Variants in EPM2A observed in about 807,000 individuals in gnomAD.
The protein encoded by EPM2A is laforin.
In EPM2A, 21 loss-of-function variants were observed where a neutral mutation model predicts 26.5. The observed-to-expected ratio is 0.79, with a 90% CI of 0.56 to 1.14. The LOEUF (loss-of-function observed/expected upper bound fraction) is 1.14, where lower values mean the gene tolerates loss of function less well. EPM2A is among the 50% of genes most tolerant of loss of function. The pLI is 0.00. For synonymous variants in EPM2A, 217 were observed against 177.6 expected (o/e 1.22, Z -1.76); for missense variants, 458 against 440.8 (o/e 1.04, Z -0.35).
At chr6:145,704,618 C>T (rs1441378771) in intron 1 of EPM2A, among the ~76,000 whole-genome samples, 1 of 152,164 alleles carries the variant, frequency 6.6e-6, no homozygotes, top group African/African-American at 2.4e-5. Flanking sequence ...GGACTGAAGC[C>T]CAAGGCTGCT....
intron 2 of EPM2A, among the ~76,000 whole-genome samples, chr6:145,582,054 T>C (rs1781121676): frequency 6.6e-6 from 1 of 152,188 alleles, no homozygotes; most frequent in African/African-American, 2.4e-5. Flanking sequence ...GAGATCTTTC[T>C]AACTTTCTTA....
At chr6:145,693,292 T>C (rs753070531) in intron 1 of EPM2A, among the ~76,000 whole-genome samples, 4 of 152,038 alleles carry the variant, frequency 2.6e-5, no homozygotes, top group Non-Finnish European at 5.9e-5. Context: ...AAGTTGTTTA[T>C]CAGAACAAGG....
chr6:145,440,638 G>T (rs575112638), intron 4 of EPM2A, among the ~76,000 whole-genome samples: 2 of 152,180 alleles, frequency 1.3e-5, no homozygotes, highest in Middle Eastern at 3.2e-3. Context: ...TACAGGCATT[G>T]GTTAAATACA....
At chr6:145,621,723 T>G (rs1284428826), downstream of EPM2A, among the ~76,000 whole-genome samples, 3 of 152,158 alleles carry the variant, frequency 2.0e-5, no homozygotes, top group Non-Finnish European at 4.4e-5. Flanking sequence ...ATATACCTCT[T>G]AGCCATTTGT....
intron 2 of EPM2A, among the ~76,000 whole-genome samples, chr6:145,593,077 A>T (rs1285096978): frequency 6.6e-6 from 1 of 152,118 alleles, no homozygotes; most frequent in Non-Finnish European, 1.5e-5. Context: ...TAAATATAAA[A>T]AGTCAGTTAG....
chr6:145,700,564 A>C (rs1016200885), intron 1 of EPM2A, among the ~76,000 whole-genome samples: 10 of 152,180 alleles, frequency 6.6e-5, no homozygotes, highest in African/African-American at 2.2e-4. Flanking sequence ...ACAAAAAAAA[A>C]CCTATCTTTG....
In EPM2A at chr6:145,387,956, G is replaced by C. The variant is rs78002143; in HGVS notation, c.556-3859C>G. Among the ~76,000 whole-genome samples the C allele has an allele frequency of 7.8e-3, 1,184 of 152,146 alleles. 44 individuals are homozygous for C. Among genetic ancestry groups the C allele is most frequent in the Admixed American group, 0.061 (931 of 15,262 alleles). ...AATAAACAGAAGGGAAGCTATCAGG[G>C]GTGACAGAAATGTTGTTTGTATTCA... On this transcript the variant is annotated intron_variant, in intron 4 of 4. Coordinates refer to the EPM2A transcript ENST00000638717.
intron 4 of EPM2A, among the ~76,000 whole-genome samples, chr6:145,401,869 A>T (rs2114667347): frequency 6.6e-6 from 1 of 152,230 alleles, no homozygotes; most frequent in Non-Finnish European, 1.5e-5. Flanking sequence ...TAAGCCATTG[A>T]GTAAAATAAT....
chr6:145,517,751 T>C (rs1441244910), intron 2 of EPM2A, among the ~76,000 whole-genome samples: 2 of 152,172 alleles, frequency 1.3e-5, no homozygotes, highest in Non-Finnish European at 2.9e-5. Flanking sequence ...AGGCAGGCAC[T>C]TAAAGATGCA....
At chr6:145,610,880 C>A (rs1290569968) in intron 2 of EPM2A, among the ~76,000 whole-genome samples, 1 of 152,196 alleles carries the variant, frequency 6.6e-6, no homozygotes, top group African/African-American at 2.4e-5. Flanking sequence ...ATCAACCCAT[C>A]ATTTTGTTAG....
At chr6:145,431,125 C>A (rs1260110331) in intron 4 of EPM2A, among the ~76,000 whole-genome samples, 2 of 152,170 alleles carry the variant, frequency 1.3e-5, no homozygotes, top group African/African-American at 4.8e-5. Context: ...CCTATGACAA[C>A]AGCAGAGAGA....
Position 145,735,508 on chromosome 6 carries a change from C to T in EPM2A, c.-10G>A, listed in dbSNP as rs1776826146. 1.7e-6 allele frequency: 2 copies of T among 1,184,642 alleles called. No homozygotes were observed. Among genetic ancestry groups the T allele is most frequent in the Non-Finnish European group, 2.1e-6 (2 of 957,698 alleles). 73.4% of individuals were successfully genotyped at this position (1,184,642 alleles called of 1,614,324 possible). ...CAAAGCGGAAGCGCATGGCGGGCGG[C>T]GGCGGCGCGAATACCCGGGCCCGGA... On this transcript the variant is annotated 5_prime_UTR_variant, in exon 1 of 4. Transcript: ENST00000367519.
At chr6:145,609,116 A>T (rs1562401244) in intron 2 of EPM2A, among the ~76,000 whole-genome samples, 1 of 152,204 alleles carries the variant, frequency 6.6e-6, no homozygotes, top group East Asian at 1.9e-4. Context: ...GAGTAAGGAA[A>T]TAGTAAAATC....
At chr6:145,501,795 G>A (rs1262446364) in exon 4 of EPM2A, 2 of 471,142 alleles carry the variant, frequency 4.2e-6, no homozygotes, top group Middle Eastern at 3.2e-4. Flanking sequence ...AGGTTAGGGA[G>A]ATATTTGTGT....
intron 4 of EPM2A, among the ~76,000 whole-genome samples, chr6:145,441,208 T>C (rs1167429670): frequency 1.3e-5 from 2 of 152,238 alleles, no homozygotes; most frequent in Non-Finnish European, 2.9e-5. Context: ...GCTTGGCGCT[T>C]GCACCCTCTG....
chr6:145,632,123 G>A (rs756327243), intron 3 of EPM2A: 3 of 152,130 alleles, frequency 2.0e-5, no homozygotes, highest in Admixed American at 6.6e-5. Flanking sequence ...CCTGTAAGGT[G>A]GAAATTACTA....
At chr6:145,561,796 C>A (rs1181340963) in intron 2 of EPM2A, among the ~76,000 whole-genome samples, 1 of 152,026 alleles carries the variant, frequency 6.6e-6, no homozygotes, top group Non-Finnish European at 1.5e-5. Flanking sequence ...ATGCAGAAAC[C>A]TGGTTGTTGT....
At chr6:145,594,229 T>C (rs1241089477) in intron 2 of EPM2A, among the ~76,000 whole-genome samples, 1 of 151,864 alleles carries the variant, frequency 6.6e-6, no homozygotes, top group African/African-American at 2.4e-5. Context: ...ATGGATATTC[T>C]GAATATCCTT....
chr6:145,410,812 A>T (rs972556918), intron 4 of EPM2A, among the ~76,000 whole-genome samples: 3 of 152,182 alleles, frequency 2.0e-5, no homozygotes, highest in African/African-American at 4.8e-5. Flanking sequence ...ACATGTTAAA[A>T]CAGTATCTTC....
Sources: gnomAD v4.1 joint callset for allele counts (sites outside exome capture counted in the v4.1 genomes callset) on GRCh38, gnomAD v4.1.1 for gene constraint, MANE v1.5 for transcripts, NCBI Gene and HGNC (gene_info 2026-07-23, HGNC 2026-07-21) for gene names.